The following CARS1 variants were observed in gnomAD, a reference collection of about 807,000 sequenced individuals.
The protein encoded by CARS1 is cysteine--tRNA ligase, cytoplasmic.
In CARS1, 48 loss-of-function variants were observed where a neutral mutation model predicts 106.2. The observed-to-expected ratio is 0.45, with a 90% CI of 0.36 to 0.57. CARS1 has a LOEUF of 0.57. Ranked by LOEUF, CARS1 falls within the 20% of genes least tolerant of loss-of-function variation. The probability of loss-of-function intolerance (pLI) is 0.00; values close to 1 mark genes in which losing one functional copy is unlikely to be tolerated. For synonymous variants in CARS1, 409 were observed against 403.4 expected (o/e 1.01, Z -0.17); for missense variants, 968 against 1,057.2 (o/e 0.92, Z 1.17).
chr11:3,038,127 C>T lies in CARS1; in HGVS notation c.724G>A (p.Val242Met), dbSNP rs750257282. ...TCAAGTGGCTCTGTGGCAAGCTGCA[C>T]TGCGTGCTGAATCCGTTCGAGCATC... Reference protein sequence around the residue: ...KQMLERIQHAVQLATEPLEKA... With the variant: ...KQMLERIQHAMQLATEPLEKA... The change falls in exon 7 of 23, where the codon GTG becomes ATG. Residue 242 changes from valine (V) to methionine (M), a missense_variant. Coordinates refer to ENST00000380525, the MANE Select transcript of CARS1 (RefSeq NM_001014437.3). The surrounding 1 kb of genome is among the most constrained non-coding windows in gnomAD (Gnocchi z 4.0). The T allele has an allele frequency of 5.0e-6, 8 of 1,614,068 alleles. No homozygotes were observed. Among genetic ancestry groups the T allele is most frequent in the Admixed American group, 1.7e-5 (1 of 60,012 alleles).
rs1321993338 is a variant in CARS1, at chr11:3,053,605, C to T, written c.25+3738G>A. The stretch of plus-strand genomic sequence containing the variant: ...TTCCCTTGAGGCTCTCCCAGGTCCA[C>T]TCCAGGCATGGCCCTGGTGTGCCTT... On this transcript the variant is annotated intron_variant, in intron 1 of 22. Transcript: ENST00000380525. The surrounding 1 kb of genome is among the most constrained non-coding windows in gnomAD (Gnocchi z 6.6). 1.3e-5 allele frequency among the ~76,000 whole-genome samples: 2 copies of T among 152,192 alleles called. No homozygotes were observed. The highest frequency in any genetic ancestry group is 4.8e-5 in the African/African-American group (2 of 41,440).
At chr11:3,049,053 C>T (rs1360472039) in intron 1 of CARS1, among the ~76,000 whole-genome samples, 1 of 152,038 alleles carries the variant, frequency 6.6e-6, no homozygotes, top group Admixed American at 6.6e-5. Context: ...CATTTGAGCC[C>T]CTGCTCACCC....
chr11:3,031,057 A>G (rs1162997824), intron 7 of CARS1: 2 of 152,240 alleles, frequency 1.3e-5, no homozygotes, highest in Non-Finnish European at 2.9e-5. Context: ...CCCAGAGGAG[A>G]GGAGAGAGGG....
At chr11:3,027,375 G>A (rs1346286100) in intron 9 of CARS1, 1 of 155,158 alleles carries the variant, frequency 6.4e-6, no homozygotes, top group Non-Finnish European at 1.4e-5. Context: ...GTTCCTGTGG[G>A]AGGGAAGCAA....
rs1323121257 is a variant in CARS1, at chr11:3,046,851, T to C, written c.274+902A>G. On this transcript the variant is annotated intron_variant, in intron 2 of 22. Transcript: ENST00000380525. The surrounding 1 kb of genome is among the most constrained non-coding windows in gnomAD (Gnocchi z 5.8). ...GATTTGCCACAGAGTGACAAAGCCA[T>C]GCAGGCATCCCAGGAGTATCTCCCG... Among the ~76,000 whole-genome samples, 2 of 152,160 alleles carry C rather than the reference T, an allele frequency of 1.3e-5. No individual in the cohort carries two copies. Among genetic ancestry groups the C allele is most frequent in the East Asian group, 3.9e-4 (2 of 5,182 alleles).
chr11:3,055,310 C>G (rs562000477), intron 1 of CARS1, among the ~76,000 whole-genome samples: 1 of 152,228 alleles, frequency 6.6e-6, no homozygotes, highest in Non-Finnish European at 1.5e-5. Context: ...CGCCACCGCG[C>G]CCGGCTAATT....
intron 20 of CARS1, 105 bp from the exon 21 acceptor site, chr11:3,002,705 T>C: frequency 1.9e-6 from 3 of 1,558,194 alleles, no homozygotes; most frequent in Non-Finnish European, 2.6e-6. Flanking sequence ...GGGCCTGGCA[T>C]GGAGGGCTGA....
chr11:3,027,694 G>C (rs1852238387), intron 9 of CARS1: 1 of 347,178 alleles, frequency 2.9e-6, no homozygotes, highest in African/African-American at 2.1e-5. Context: ...ACATAGTGAG[G>C]AGTGACCAGA....
intron 9 of CARS1, chr11:3,027,131 A>G (rs1486732226): frequency 4.9e-6 from 1 of 205,784 alleles, no homozygotes; most frequent in East Asian, 1.3e-4. Flanking sequence ...CACTCTACCC[A>G]TTAGCTTAGC....
rs1019071648 is a variant in CARS1 at position 3,027,957 on chromosome 11, C to T, written c.1031+1039G>A. The T allele has an allele frequency of 2.6e-5, 11 of 431,360 alleles. No individual in the cohort carries two copies. The East Asian group carries it at 5.0e-4, about 20-fold the overall frequency. 26.7% of individuals were successfully genotyped at this position (431,360 alleles called of 1,614,324 possible). On this transcript the variant is annotated intron_variant, in intron 9 of 22. Coordinates refer to ENST00000380525, the MANE Select transcript of CARS1 (RefSeq NM_001014437.3). Reference sequence around the variant, plus strand: ...GGGCCTGACATGAGTCAGGCTCGCCCGCAGTTATCCGGAGGCCTAACCGTC... The same window carrying T: ...GGGCCTGACATGAGTCAGGCTCGCCTGCAGTTATCCGGAGGCCTAACCGTC...
rs1851526877 is a variant in CARS1 at position 3,021,053 on chromosome 11, AC to A, written c.1154-722del. ...TGCCTTGCCAGAGGGATGAGAAATAACCCCTTGGTGAATTCCATGCATTGAC... is the reference window on the plus strand; with the variant it reads ...TGCCTTGCCAGAGGGATGAGAAATAACCCTTGGTGAATTCCATGCATTGAC... On this transcript the variant is annotated intron_variant, in intron 10 of 22. Transcript: ENST00000380525. The surrounding 1 kb of genome is among the most constrained non-coding windows in gnomAD (Gnocchi z 5.3). Among the ~76,000 whole-genome samples the A allele has an allele frequency of 6.6e-6, 1 of 151,936 alleles. No individual in the cohort carries two copies. The highest frequency in any genetic ancestry group is 1.5e-5 in the Non-Finnish European group (1 of 67,992).
chr11:3,016,417 G>GT lies in CARS1; in HGVS notation c.1918-569dup, dbSNP rs200730335. Among the ~76,000 whole-genome samples, 163 of 151,934 alleles carry GT rather than the reference G, an allele frequency of 1.1e-3. 1 individual carries two copies. The East Asian group carries it at 0.026, about 24-fold the overall frequency. Reference sequence around the variant, plus strand: ...TTGTATTTTTTTTAGTAGAGACGGGGTTTCACCGTGTTAGTCAGGATGGTC... The same window carrying GT: ...TTGTATTTTTTTTAGTAGAGACGGGGTTTTCACCGTGTTAGTCAGGATGGTC... On this transcript the variant is annotated intron_variant, in intron 16 of 22. Transcript: ENST00000380525.
chr11:3,012,693 A>G (rs1445154226), intron 17 of CARS1, among the ~76,000 whole-genome samples: 4 of 152,166 alleles, frequency 2.6e-5, no homozygotes, highest in Non-Finnish European at 2.9e-5. Context: ...GGCCTTACCT[A>G]TGCTGAGGCT....
Position 3,028,930 on chromosome 11 carries a change from TG to T in CARS1, c.1031+65del. The T allele has an allele frequency of 9.1e-7, 1 of 1,098,626 alleles. No individual in the cohort carries two copies. Among genetic ancestry groups the T allele is most frequent in the Non-Finnish European group, 1.4e-6 (1 of 714,906 alleles). 68.1% of individuals were successfully genotyped at this position (1,098,626 alleles called of 1,614,324 possible). On this transcript the variant is annotated intron_variant, in intron 9 of 22. Coordinates refer to ENST00000380525, the MANE Select transcript of CARS1 (RefSeq NM_001014437.3). This position sits in a 1 kb window ranked among gnomAD's most constrained non-coding sequence, Gnocchi z 4.4. ...TGCTTCCCAAACTCAGGCTCAGAGC[TG>T]GGGAGCTCCTCCCTGTGCGATGTTC...
rs1181339142 is a variant in CARS1, at chr11:3,040,622, G to A, written c.455+274C>T. On this transcript the variant is annotated intron_variant, in intron 4 of 22. Transcript: ENST00000380525. This position sits in a 1 kb window ranked among gnomAD's most constrained non-coding sequence, Gnocchi z 5.8. ...AAAACTTTAAGGTATGTGAGAAAAA[G>A]TGCCCAGGTCGAGTCCAGCATGTTA... is the stretch of plus-strand genomic sequence containing the variant. 1 of 627,066 alleles carries A rather than the reference G, an allele frequency of 1.6e-6. No individual in the cohort carries two copies. Among genetic ancestry groups the A allele is most frequent in the Non-Finnish European group, 3.0e-6 (1 of 338,282 alleles). The allele number at this position is 627,066 out of a possible 1,614,324, so 38.8% of individuals were successfully genotyped here. A position where few individuals can be genotyped will look rare whatever the true frequency, so the allele number is the denominator to read the frequency against.
In CARS1 at chr11:3,047,802, C is replaced by T. The variant is rs774269143; in HGVS notation, c.225G>A (p.Ala75=). The change falls in exon 2 of 23, where the codon GCG becomes GCA. Residue 75 remains alanine, a synonymous_variant. Transcript: ENST00000380525. ...CTTTGCCACAGGGGCTACCCAGGAG[C>T]GCTTCTATGTGCCTGAACCACCGAG... ...HVARWFRHIE[A]LLGSPCGKGQ... is the part of the protein sequence containing the mutation. 13 of 1,613,918 alleles carry T rather than the reference C, an allele frequency of 8.1e-6. No homozygotes were observed. The highest frequency in any genetic ancestry group is 6.7e-5 in the African/African-American group (5 of 74,902).
Position 3,057,389 on chromosome 11 carries a change from A to C in CARS1, c.-22T>G. On this transcript the variant is annotated 5_prime_UTR_variant, in exon 1 of 23. Coordinates refer to ENST00000380525, the MANE Select transcript of CARS1 (RefSeq NM_001014437.3). ...CCATGGCTGGGAATCCCGGACCCGC[A>C]GCTGCGGCTACAGACACTTCCTAGA... is the stretch of plus-strand genomic sequence containing the variant. 1 of 1,607,622 alleles carries C rather than the reference A, an allele frequency of 6.2e-7. No homozygotes were observed. Among genetic ancestry groups the C allele is most frequent in the Non-Finnish European group, 8.5e-7 (1 of 1,177,114 alleles).
At chr11:3,049,344 C>T (rs921670360) in intron 1 of CARS1, among the ~76,000 whole-genome samples, 1 of 152,178 alleles carries the variant, frequency 6.6e-6, no homozygotes, top group Non-Finnish European at 1.5e-5. Flanking sequence ...AGCTCCTTCC[C>T]CTACTGTCAG....
rs1188695163 is a variant in CARS1 at position 3,028,757 on chromosome 11, G to A, written c.1031+239C>T. On this transcript the variant is annotated intron_variant, in intron 9 of 22. Coordinates refer to ENST00000380525, the MANE Select transcript of CARS1 (RefSeq NM_001014437.3). This position sits in a 1 kb window ranked among gnomAD's most constrained non-coding sequence, Gnocchi z 4.4. ...CCCATGACTGATGGTCTTGGCTGCC[G>A]AGCTTCCCAGCAGATTCTGGGTTAG... The A allele has an allele frequency of 1.7e-5, 9 of 522,682 alleles. No individual in the cohort carries two copies. Among genetic ancestry groups the A allele is most frequent in the African/African-American group, 1.3e-4 (7 of 52,630 alleles). The allele number at this position is 522,682 out of a possible 1,614,324, so 32.4% of individuals were successfully genotyped here.
Sources: allele counts gnomAD v4.1 joint callset (sites outside exome capture counted in the v4.1 genomes callset), GRCh38; gene constraint gnomAD v4.1.1; non-coding constraint Gnocchi (gnomAD v3.1); transcripts MANE v1.5; gene names NCBI Gene and HGNC (gene_info 2026-07-23, HGNC 2026-07-21).